Variants in HSD17B12 observed in about 807,000 individuals in gnomAD.
HSD17B12 encodes the protein hydroxysteroid 17-beta dehydrogenase 12.
Under a neutral mutation model 39.3 loss-of-function variants are expected in HSD17B12, and 32 were observed. The observed-to-expected ratio is 0.81, with a 90% CI of 0.61 to 1.09. HSD17B12 has a LOEUF of 1.09. Ranked by LOEUF, HSD17B12 falls within the 50% of genes least tolerant of loss-of-function variation. The probability of loss-of-function intolerance (pLI) is 0.00; values close to 1 mark genes in which losing one functional copy is unlikely to be tolerated. For synonymous variants in HSD17B12, 150 were observed against 146.7 expected (o/e 1.02, Z -0.16); for missense variants, 342 against 382.9 (o/e 0.89, Z 0.89).
the HSD17B12 span, among the ~76,000 whole-genome samples, chr11:43,574,156 A>T: frequency 7.8e-3 from 1,183 of 152,334 alleles, 12 homozygotes; most frequent in African/African-American, 0.027. Context: ...ACAGACAGGA[A>T]TTGAGGGTAG....
intron 6 of HSD17B12, among the ~76,000 whole-genome samples, chr11:43,823,508 C>T (rs540446022): frequency 4.6e-5 from 7 of 152,120 alleles, no homozygotes; most frequent in South Asian, 2.1e-4. Flanking sequence ...TGGCCTCAAG[C>T]GATCCTCCTG....
the HSD17B12 span, among the ~76,000 whole-genome samples, chr11:43,607,417 C>T: frequency 6.6e-6 from 1 of 152,136 alleles, no homozygotes; most frequent in South Asian, 2.1e-4. Context: ...CAAGCACTTA[C>T]TTTACTCATA....
At chr11:43,709,894 C>G (rs1950049272) in intron 1 of HSD17B12, among the ~76,000 whole-genome samples, 1 of 152,066 alleles carries the variant, frequency 6.6e-6, no homozygotes, top group South Asian at 2.1e-4. Flanking sequence ...TGACTGAGCA[C>G]CTGTGAGGGT....
At chr11:43,610,653 G>T in the HSD17B12 span, among the ~76,000 whole-genome samples, 1 of 152,130 alleles carries the variant, frequency 6.6e-6, no homozygotes, top group African/African-American at 2.4e-5. Flanking sequence ...CAGTAAAGAT[G>T]GGTTCCACTT....
At chr11:43,763,617 A>ATCT (rs1950572247) in intron 3 of HSD17B12, among the ~76,000 whole-genome samples, 1 of 148,032 alleles carries the variant, frequency 6.8e-6, no homozygotes, top group Non-Finnish European at 1.5e-5. Flanking sequence ...TATCTTATAT[A>ATCT]TATATATATC....
At chr11:43,592,942 T>A in the HSD17B12 span, among the ~76,000 whole-genome samples, 2 of 152,140 alleles carry the variant, frequency 1.3e-5, no homozygotes, top group East Asian at 3.9e-4. Flanking sequence ...TCCTCACTGG[T>A]TGAGGGAGAA....
At chr11:43,833,448 G>T (rs1951334420) in intron 7 of HSD17B12, 1 of 152,170 alleles carries the variant, frequency 6.6e-6, no homozygotes. Context: ...AGACAAGAGA[G>T]TAAAGATGGT....
At chr11:43,779,556 G>T (rs1389970348) in intron 3 of HSD17B12, among the ~76,000 whole-genome samples, 1 of 152,110 alleles carries the variant, frequency 6.6e-6, no homozygotes, top group African/African-American at 2.4e-5. Flanking sequence ...GAGATACCTT[G>T]CTGTCTATTG....
chr11:43,806,782 A>T (rs1332492337), intron 4 of HSD17B12, among the ~76,000 whole-genome samples: 2 of 152,204 alleles, frequency 1.3e-5, no homozygotes, highest in Non-Finnish European at 2.9e-5. Context: ...CATTTGGATG[A>T]CTATAATCAA....
In HSD17B12 at chr11:43,780,907, A is replaced by G. The variant is rs560918543; in HGVS notation, c.284-17413A>G. Among the ~76,000 whole-genome samples the G allele has an allele frequency of 5.9e-5, 9 of 152,264 alleles. No homozygotes were observed. In the South Asian group the frequency reaches 8.3e-4, roughly 14 times the overall value. ...ACATACTTTATTTTTTATATATATT[A>G]TAACAGATATGTATATTTTATAATA... On this transcript the variant is annotated intron_variant, in intron 3 of 10. Transcript: ENST00000278353.
chr11:43,702,081 T>G (rs1245392720), intron 1 of HSD17B12, among the ~76,000 whole-genome samples: 1 of 152,206 alleles, frequency 6.6e-6, no homozygotes, highest in Non-Finnish European at 1.5e-5. Flanking sequence ...ATTTCATGGG[T>G]AGCTATTATA....
chr11:43,815,567 C>T (rs1951114572), intron 5 of HSD17B12, 66 bp downstream of exon 5: 3 of 948,674 alleles, frequency 3.2e-6, no homozygotes, highest in Non-Finnish European at 4.9e-6. Flanking sequence ...TAATGATTCA[C>T]ACTATGACAC....
chr11:43,651,383 T>C, the HSD17B12 span, among the ~76,000 whole-genome samples: 1 of 152,194 alleles, frequency 6.6e-6, no homozygotes, highest in Admixed American at 6.5e-5. Flanking sequence ...GAAAGAACCA[T>C]TTTTTCAGTC....
At chr11:43,724,541 A>G (rs956362325) in intron 1 of HSD17B12, among the ~76,000 whole-genome samples, 4 of 152,254 alleles carry the variant, frequency 2.6e-5, no homozygotes, top group African/African-American at 9.6e-5. Flanking sequence ...GAAGTCCAAG[A>G]TCAAGGTCCT....
chr11:43,786,882 C>T (rs1457722535), intron 3 of HSD17B12, among the ~76,000 whole-genome samples: 4 of 152,118 alleles, frequency 2.6e-5, no homozygotes, highest in Non-Finnish European at 2.9e-5. Context: ...AGAATATTAA[C>T]TATATCTCTA....
At chr11:43,575,052 T>C in the HSD17B12 span, among the ~76,000 whole-genome samples, 1 of 152,142 alleles carries the variant, frequency 6.6e-6, no homozygotes, top group Non-Finnish European at 1.5e-5. This position sits in a 1 kb window ranked among gnomAD's most constrained non-coding sequence, Gnocchi z 4.1. Context: ...GGCGGTGGAT[T>C]TGTGAATCAG....
At chr11:43,608,993 C>G in the HSD17B12 span, among the ~76,000 whole-genome samples, 1 of 152,060 alleles carries the variant, frequency 6.6e-6, no homozygotes, top group African/African-American at 2.4e-5. Flanking sequence ...GGTGTGGTCA[C>G]AGTTCACTGC....
the HSD17B12 span, among the ~76,000 whole-genome samples, chr11:43,657,614 C>T: frequency 6.6e-6 from 1 of 152,142 alleles, no homozygotes; most frequent in South Asian, 2.1e-4. Flanking sequence ...CAAAATCTCT[C>T]AGCATTTGCT....
At chr11:43,764,676 C>CCT (rs536462889) in intron 3 of HSD17B12, among the ~76,000 whole-genome samples, 154 of 152,026 alleles carry the variant, frequency 1.0e-3, no homozygotes, top group African/African-American at 3.6e-3. Flanking sequence ...ATGGAATGAC[C>CCT]CTCTTTATTC....
Sources: allele counts gnomAD v4.1 joint callset (sites outside exome capture counted in the v4.1 genomes callset), GRCh38; gene constraint gnomAD v4.1.1; non-coding constraint Gnocchi (gnomAD v3.1); transcripts MANE v1.5; gene names NCBI Gene and HGNC (gene_info 2026-07-23, HGNC 2026-07-21).